LIMS2: variants seen among roughly 807,000 people sequenced by gnomAD.
LIMS2 encodes LIM zinc finger domain containing 2.
A neutral mutation model predicts 45.3 loss-of-function variants in LIMS2; 30 were observed. The observed-to-expected ratio is 0.66, with a 90% CI of 0.50 to 0.90. The LOEUF is 0.90. Ranked by LOEUF, LIMS2 falls within the 40% of genes least tolerant of loss-of-function variation. The pLI, the probability that LIMS2 is intolerant of heterozygous loss-of-function variation, is 0.00. For synonymous variants in LIMS2, 173 were observed against 188.0 expected (o/e 0.92, Z 0.65); for missense variants, 485 against 468.7 (o/e 1.03, Z -0.32).
chr2:127,666,437 C>T (rs1327069809), intron 1 of LIMS2, among the ~76,000 whole-genome samples: 1 of 152,134 alleles, frequency 6.6e-6, no homozygotes, highest in Non-Finnish European at 1.5e-5. Flanking sequence ...TTATCCTAGT[C>T]CCTTATTCCT....
At chr2:127,669,997 G>A (rs963137167) in intron 1 of LIMS2, among the ~76,000 whole-genome samples, 1 of 152,136 alleles carries the variant, frequency 6.6e-6, no homozygotes, top group African/African-American at 2.4e-5. Context: ...CAAGGATGTC[G>A]GGAAATTGGA....
In LIMS2 at chr2:127,667,467, A is replaced by T. The variant is rs1471242579; in HGVS notation, c.11+7547T>A. 1.3e-5 allele frequency among the ~76,000 whole-genome samples: 2 copies of T among 152,230 alleles called. No individual in the cohort carries two copies. The highest frequency in any genetic ancestry group is 2.9e-5 in the Non-Finnish European group (2 of 68,030). On this transcript the variant is annotated intron_variant, in intron 1 of 9. Transcript: ENST00000355119. The surrounding 1 kb of genome is among the most constrained non-coding windows in gnomAD (Gnocchi z 4.1). ...AAATGTCCTCGATAAAATACAATAA[A>T]TCTAACACTCTATAAAAAGTATTAT...
At chr2:127,649,884 G>A (rs1460839501) in intron 4 of LIMS2, 1 of 751,684 alleles carries the variant, frequency 1.3e-6, no homozygotes, top group African/African-American at 1.8e-5. Context: ...TGGGTAAAAT[G>A]GGTCTTCCCC....
rs756158958 is a variant in LIMS2, at chr2:127,657,415, C to A, written c.159G>T (p.Gly53=). 1.2e-6 allele frequency: 2 copies of A among 1,613,832 alleles called. No homozygotes were observed. The highest frequency in any genetic ancestry group is 1.7e-6 in the Non-Finnish European group (2 of 1,179,982). ...GTAGTGTCCTCACCTCATAGAAGAG[C>A]CCCTCGGGGAAGGGCCGGAAGCACT... ...CAQCFRPFPE[G]LFYEFEGRKY... is the part of the protein sequence containing the mutation. Residue 53 remains glycine, a synonymous_variant, in exon 2 of 10, where the codon GGG becomes GGT. Transcript: ENST00000355119.
At position 127,639,206 on chromosome 2, in the gene LIMS2, G is replaced by A; in HGVS notation, c.*75C>T. 1 of 1,516,984 alleles carries A rather than the reference G, an allele frequency of 6.6e-7. No homozygotes were observed. Among genetic ancestry groups the A allele is most frequent in the Non-Finnish European group, 9.0e-7 (1 of 1,108,456 alleles). 94.0% of individuals were successfully genotyped at this position (1,516,984 alleles called of 1,614,324 possible). On this transcript the variant is annotated 3_prime_UTR_variant, in exon 10 of 10. Transcript: ENST00000355119. ...AGATGCGGAGGGCACAGGTGGATGGGGACGAGGGGGCCAAGCATGGACAGC... is the reference window on the plus strand; with the variant it reads ...AGATGCGGAGGGCACAGGTGGATGGAGACGAGGGGGCCAAGCATGGACAGC...
upstream of LIMS2, among the ~76,000 whole-genome samples, chr2:127,679,833 G>C (rs1034864543): frequency 2.0e-5 from 3 of 152,160 alleles, no homozygotes; most frequent in Non-Finnish European, 2.9e-5. The surrounding 1 kb of genome is among the most constrained non-coding windows in gnomAD (Gnocchi z 5.3). Flanking sequence ...ACAGGGAATG[G>C]AGAAGGCCTT....
chr2:127,658,765 G>A (rs1371152796), intron 1 of LIMS2, among the ~76,000 whole-genome samples: 4 of 152,226 alleles, frequency 2.6e-5, no homozygotes, highest in Admixed American at 2.6e-4. Flanking sequence ...GGAAGACTGG[G>A]CAGAGAGGGA....
At chr2:127,650,844 T>C in intron 4 of LIMS2, 1 of 1,614,148 alleles carries the variant, frequency 6.2e-7, no homozygotes. Flanking sequence ...GTTCGCCTCC[T>C]TCTACCTTCT....
Position 127,664,194 on chromosome 2 carries a change from CAGAGCCCA to C in LIMS2, c.12-6640_12-6633del, listed in dbSNP as rs1684859157. On this transcript the variant is annotated intron_variant, in intron 1 of 9. Transcript: ENST00000355119. The surrounding 1 kb of genome is among the most constrained non-coding windows in gnomAD (Gnocchi z 5.5). ...ACCCAGGGCCCATCCGACGCCGGGG[CAGAGCCCA>C]CGGCGTCGGAGGGCCCCGGTCGGGT... 1 of 878,398 alleles carries C rather than the reference CAGAGCCCA, an allele frequency of 1.1e-6. No individual in the cohort carries two copies. The highest frequency in any genetic ancestry group is 1.8e-5 in the African/African-American group (1 of 56,058). The allele number at this position is 878,398 out of a possible 1,614,324, so 54.4% of individuals were successfully genotyped here. A position where few individuals can be genotyped will look rare whatever the true frequency, so the allele number is the denominator to read the frequency against.
At chr2:127,649,928 C>G in intron 4 of LIMS2, 1 of 1,160,944 alleles carries the variant, frequency 8.6e-7, no homozygotes, top group Non-Finnish European at 1.3e-6. Flanking sequence ...GGTGGTGGAT[C>G]TACTCTGGGA....
At chr2:127,650,702 CT>C (rs1366167067) in intron 4 of LIMS2, 3 of 1,581,136 alleles carry the variant, frequency 1.9e-6, no homozygotes, top group African/African-American at 2.7e-5. Flanking sequence ...GAACTGTTTG[CT>C]TGTTCCCTCC....
intron 1 of LIMS2, chr2:127,674,023 A>G (rs1463343271): frequency 2.3e-6 from 1 of 426,314 alleles, no homozygotes; most frequent in Non-Finnish European, 4.4e-6. Flanking sequence ...GTTACAGGCT[A>G]TTTTTGGTTC....
chr2:127,675,056 GGGTTGCCGC>G lies in LIMS2; in HGVS notation c.-41_-33del. On this transcript the variant is annotated 5_prime_UTR_variant, in exon 1 of 10. Transcript: ENST00000355119. ...AGCGACGCCGAGCCCTGGGTTGCCG[GGGTTGCCGC>G]GGGTCTCCCTCTGCTGCTGCAGCCG... 8.8e-7 allele frequency: 1 copy of G among 1,142,262 alleles called. No individual in the cohort carries two copies. Among genetic ancestry groups the G allele is most frequent in the Non-Finnish European group, 1.1e-6 (1 of 911,446 alleles). 70.8% of individuals were successfully genotyped at this position (1,142,262 alleles called of 1,614,324 possible). A position where few individuals can be genotyped will look rare whatever the true frequency, so the allele number is the denominator to read the frequency against.
intron 4 of LIMS2, among the ~76,000 whole-genome samples, chr2:127,649,198 A>AGGAG (rs1221958685): frequency 7.1e-6 from 1 of 139,886 alleles, no homozygotes; most frequent in Admixed American, 7.0e-5. Flanking sequence ...GAAGGAAGGA[A>AGGAG]GGAAGGAAGG....
In LIMS2 at chr2:127,657,389, AGTAGT is replaced by A. The variant is rs1369320432; in HGVS notation, c.171+9_171+13del. The stretch of plus-strand genomic sequence containing the variant: ...CCGAGCTGGGTCTGAGAAAGCCCTC[AGTAGT>A]GTCCTCACCTCATAGAAGAGCCCCT... On this transcript the variant is annotated intron_variant, in intron 2 of 9. Coordinates refer to ENST00000355119, the MANE Select transcript of LIMS2 (RefSeq NM_001161403.3). 1 of 1,613,528 alleles carries A rather than the reference AGTAGT, an allele frequency of 6.2e-7. No homozygotes were observed. The highest frequency in any genetic ancestry group is 1.3e-5 in the African/African-American group (1 of 74,938).
At chr2:127,674,695 G>A (rs1358159594) in intron 1 of LIMS2, 37 of 985,340 alleles carry the variant, frequency 3.8e-5, no homozygotes, top group Non-Finnish European at 4.2e-5. Flanking sequence ...TTTGCCCGTG[G>A]TTGGTGTCTG....
At chr2:127,641,208 G>C in intron 6 of LIMS2, 1 of 534,314 alleles carries the variant, frequency 1.9e-6, no homozygotes. Context: ...ACACCTCTGT[G>C]AATGCCCTGG....
chr2:127,648,449 C>T (rs376421356), intron 4 of LIMS2, among the ~76,000 whole-genome samples: 16 of 152,292 alleles, frequency 1.1e-4, no homozygotes, highest in African/African-American at 3.9e-4. Context: ...AAGGGTGCGG[C>T]CCACCCTTCC....
At chr2:127,651,287 G>T in intron 4 of LIMS2, 1 of 1,607,716 alleles carries the variant, frequency 6.2e-7, no homozygotes. Context: ...GCCTGCAGCT[G>T]TACCGGGAGA....
Sources: allele counts gnomAD v4.1 joint callset (sites outside exome capture counted in the v4.1 genomes callset), GRCh38; gene constraint gnomAD v4.1.1; non-coding constraint Gnocchi (gnomAD v3.1); transcripts MANE v1.5; gene names NCBI Gene and HGNC (gene_info 2026-07-23, HGNC 2026-07-21).